Variants in CSMD3 observed in about 807,000 individuals in gnomAD.
The protein encoded by CSMD3 is CUB and Sushi multiple domains 3.
A neutral mutation model predicts 435.2 loss-of-function variants in CSMD3; 177 were observed. The observed-to-expected ratio is 0.41, with a 90% CI of 0.36 to 0.46. The LOEUF is 0.46. Among genes scored for constraint, CSMD3 ranks in the 20% least tolerant of loss-of-function variants. The probability of loss-of-function intolerance (pLI) is 0.34; values close to 1 mark genes in which losing one functional copy is unlikely to be tolerated. For missense variants in CSMD3, 4,265 were observed against 4,504.6 expected (o/e 0.95, Z 1.52); for synonymous variants, 1,656 against 1,520.5 (o/e 1.09, Z -2.07).
intron 22 of CSMD3, among the ~76,000 whole-genome samples, chr8:112,626,511 C>A (rs1351521023): frequency 6.6e-6 from 1 of 151,884 alleles, no homozygotes; most frequent in East Asian, 1.9e-4. Flanking sequence ...TATATACACA[C>A]ATATACAGAA....
At chr8:113,126,568 T>C (rs999811228) in intron 4 of CSMD3, among the ~76,000 whole-genome samples, 12 of 151,876 alleles carry the variant, frequency 7.9e-5, no homozygotes, top group Admixed American at 5.9e-4. Context: ...TTGATGACAT[T>C]AATAAATGCA....
At chr8:112,238,974 A>T (rs1172073461) in intron 66 of CSMD3, among the ~76,000 whole-genome samples, 1 of 152,062 alleles carries the variant, frequency 6.6e-6, no homozygotes, top group East Asian at 1.9e-4. Context: ...CTAACTTAAT[A>T]GGTAGACAAG....
intron 2 of CSMD3, among the ~76,000 whole-genome samples, chr8:113,303,419 T>A (rs1299720166): frequency 6.6e-6 from 1 of 151,658 alleles, no homozygotes; most frequent in Admixed American, 6.6e-5. Flanking sequence ...TACTTTAAAG[T>A]TCATATGGAA....
At chr8:112,417,903 G>GAGA (rs1412244053) in intron 32 of CSMD3, among the ~76,000 whole-genome samples, 1 of 152,110 alleles carries the variant, frequency 6.6e-6, no homozygotes, top group East Asian at 1.9e-4. Flanking sequence ...ATTCCTATTA[G>GAGA]ATCTATGTTT....
At chr8:113,414,836 A>G (rs2129853021) in intron 1 of CSMD3, among the ~76,000 whole-genome samples, 1 of 152,056 alleles carries the variant, frequency 6.6e-6, no homozygotes, top group Non-Finnish European at 1.5e-5. Flanking sequence ...GCGTGGTGGC[A>G]TGCACTTGTA....
chr8:112,705,922 A>C, intron 13 of CSMD3, among the ~76,000 whole-genome samples: 1 of 152,036 alleles, frequency 6.6e-6, no homozygotes. Context: ...ATCCTCCTTG[A>C]CTTGCCTTGA....
intron 1 of CSMD3, among the ~76,000 whole-genome samples, chr8:113,385,074 G>A (rs2094433648): frequency 6.6e-6 from 1 of 152,044 alleles, no homozygotes; most frequent in African/African-American, 2.4e-5. Flanking sequence ...ATTTAATTTT[G>A]GGAAACTTGT....
chr8:113,160,696 C>T (rs531991397), intron 4 of CSMD3, among the ~76,000 whole-genome samples: 16 of 152,008 alleles, frequency 1.1e-4, no homozygotes, highest in Admixed American at 5.9e-4. Flanking sequence ...TTTAAAAGAA[C>T]GCATAAAGAT....
Position 112,255,326 on chromosome 8 carries a change from T to A in CSMD3, c.9964A>T (p.Ile3322Leu), listed in dbSNP as rs1347376797. 2 of 1,613,670 alleles carry A rather than the reference T, an allele frequency of 1.2e-6. No homozygotes were observed. Among genetic ancestry groups the A allele is most frequent in the Non-Finnish European group, 1.7e-6 (2 of 1,179,744 alleles). Residue 3322 changes from isoleucine to leucine, a missense_variant, in exon 62 of 71, where the codon ATA becomes TTA. Ile to Leu is a conservative substitution (Grantham distance 5, BLOSUM62 2). Transcript: ENST00000297405. ...ATTCTGGTGCTTGATCCCACTAATA[T>A]GAAAGGAAAATTGCAGCTGAATGAA... Reference protein sequence around the residue: ...EVSFSCNFPFILVGSSTRICQ... With the variant: ...EVSFSCNFPFLLVGSSTRICQ...
intron 18 of CSMD3, among the ~76,000 whole-genome samples, chr8:112,653,401 A>G (rs1224424342): frequency 1.3e-5 from 2 of 152,114 alleles, no homozygotes; most frequent in African/African-American, 4.8e-5. Context: ...ATACATCTAT[A>G]CGTTCATATG....
At chr8:112,475,887 A>G (rs1818995803) in intron 31 of CSMD3, among the ~76,000 whole-genome samples, 1 of 152,094 alleles carries the variant, frequency 6.6e-6, no homozygotes, top group Admixed American at 6.5e-5. Flanking sequence ...TATTTTTGCT[A>G]TTTGACATAT....
chr8:112,659,081 G>A (rs995909758), intron 17 of CSMD3, among the ~76,000 whole-genome samples: 46 of 152,232 alleles, frequency 3.0e-4, no homozygotes, highest in Non-Finnish European at 1.3e-4. Context: ...TAAAATGCAC[G>A]GAAGAGTCAG....
At chr8:112,858,164 T>TA (rs1318311620) in intron 11 of CSMD3, among the ~76,000 whole-genome samples, 1 of 151,684 alleles carries the variant, frequency 6.6e-6, no homozygotes, top group African/African-American at 2.4e-5. Flanking sequence ...CGGGAGGCAA[T>TA]ATATACTTTA....
At chr8:112,296,269 T>C (rs28705028) in intron 53 of CSMD3, among the ~76,000 whole-genome samples, 5,110 of 152,202 alleles carry the variant, frequency 0.034, 105 homozygotes, top group Non-Finnish European at 0.043. Flanking sequence ...AATGAAAATA[T>C]AGGCTGGGCA....
At chr8:112,403,478 A>C (rs1223488812) in intron 35 of CSMD3, among the ~76,000 whole-genome samples, 2 of 152,188 alleles carry the variant, frequency 1.3e-5, no homozygotes, top group Non-Finnish European at 2.9e-5. Flanking sequence ...GTAAGTTTTC[A>C]ACAACAGAAA....
rs149930140 is a variant in CSMD3, at chr8:112,314,472, G to T, written c.7506C>A (p.Phe2502Leu). ...CATCAAATTCCTTTTCTGTCTGGAA[G>T]AATTCTACAAACATGGTGATATTAT... ...KGYNITMFVEFFQTEKEFDVL... is the reference protein window; with the variant it reads ...KGYNITMFVELFQTEKEFDVL... The change falls in exon 48 of 71, where the codon TTC becomes TTA. Residue 2502 changes from phenylalanine (F) to leucine (L), a missense_variant. Physicochemically the swap from Phe to Leu is conservative, Grantham distance 22. Coordinates refer to ENST00000297405, the MANE Select transcript of CSMD3 (RefSeq NM_198123.2). 122 of 1,612,418 alleles carry T rather than the reference G, an allele frequency of 7.6e-5. No individual in the cohort carries two copies. Among genetic ancestry groups the T allele is most frequent in the Non-Finnish European group, 1.0e-4 (119 of 1,178,628 alleles).
chr8:112,426,834 A>G (rs910182118), intron 32 of CSMD3, among the ~76,000 whole-genome samples: 2 of 152,164 alleles, frequency 1.3e-5, no homozygotes, highest in African/African-American at 4.8e-5. Context: ...GAATGTGGAA[A>G]CTCCAATTAT....
chr8:112,358,132 G>A (rs1826817759), intron 38 of CSMD3, among the ~76,000 whole-genome samples: 1 of 152,126 alleles, frequency 6.6e-6, no homozygotes, highest in Admixed American at 6.5e-5. Flanking sequence ...GATCATTTTG[G>A]CACTTTAAGA....
At chr8:112,581,640 G>A (rs768598239) in intron 23 of CSMD3, among the ~76,000 whole-genome samples, 2 of 151,976 alleles carry the variant, frequency 1.3e-5, no homozygotes, top group Non-Finnish European at 2.9e-5. Flanking sequence ...GAATGTTTAT[G>A]GAGCATTTAC....
Sources: gnomAD v4.1 joint callset for allele counts (sites outside exome capture counted in the v4.1 genomes callset) on GRCh38, gnomAD v4.1.1 for gene constraint, MANE v1.5 for transcripts, NCBI Gene and HGNC (gene_info 2026-07-23, HGNC 2026-07-21) for gene names.